Variants in GRM7 observed in about 807,000 individuals in gnomAD.
GRM7 encodes the protein glutamate metabotropic receptor 7.
In GRM7, 35 loss-of-function variants were observed where a neutral mutation model predicts 84.5. That is an observed-to-expected ratio of 0.41 (90% CI 0.32 to 0.55). The LOEUF is 0.55. Ranked by LOEUF, GRM7 falls within the 20% of genes least tolerant of loss-of-function variation. GRM7 has a pLI of 0.19. For missense variants in GRM7, 1,003 were observed against 1,194.6 expected (o/e 0.84, Z 2.36); for synonymous variants, 487 against 455.1 (o/e 1.07, Z -0.89).
intron 1 of GRM7, among the ~76,000 whole-genome samples, chr3:7,121,853 A>G (rs964951): frequency 0.55 from 84,226 of 152,020 alleles, 25,742 homozygotes; most frequent in African/African-American, 0.83. Context: ...GTGGGGCCTC[A>G]AAAGAGGTGA....
rs572084494 is a variant in GRM7 at position 7,094,617 on chromosome 3, A to G, written c.520-51835A>G. On this transcript the variant is annotated intron_variant, in intron 1 of 9. Transcript: ENST00000357716. ...TGCCTAAAATTCACTTATCACATGA[A>G]AACATATTATATAGCTTTCATAGGC... Among the ~76,000 whole-genome samples the G allele has an allele frequency of 2.3e-4, 35 of 152,266 alleles. No homozygotes were observed. The East Asian group carries it at 6.0e-3, about 26-fold the overall frequency.
At chr3:7,443,040 C>A (rs929432329) in intron 5 of GRM7, among the ~76,000 whole-genome samples, 1 of 151,424 alleles carries the variant, frequency 6.6e-6, no homozygotes, top group Non-Finnish European at 1.5e-5. Flanking sequence ...CCATCCTCCT[C>A]CTCCTCCTCT....
chr3:7,058,354 G>GT (rs1011685294), intron 1 of GRM7, among the ~76,000 whole-genome samples: 6 of 151,694 alleles, frequency 4.0e-5, no homozygotes, highest in Non-Finnish European at 5.9e-5. Context: ...TTGTTCTAAA[G>GT]TTTTTTTAAC....
At chr3:7,306,964 T>A (rs2125035328) in intron 4 of GRM7, among the ~76,000 whole-genome samples, 1 of 152,262 alleles carries the variant, frequency 6.6e-6, no homozygotes, top group Middle Eastern at 3.4e-3. Context: ...CACATCCAAG[T>A]GTGTATAAGT....
intron 4 of GRM7, among the ~76,000 whole-genome samples, chr3:7,313,308 T>A (rs559272517): frequency 6.6e-6 from 1 of 152,224 alleles, no homozygotes; most frequent in East Asian, 1.9e-4. Context: ...AAGGAAATAT[T>A]AATACCAGAG....
At chr3:7,308,385 A>G (rs1260164353) in intron 4 of GRM7, among the ~76,000 whole-genome samples, 3 of 151,976 alleles carry the variant, frequency 2.0e-5, no homozygotes, top group African/African-American at 4.8e-5. Context: ...CTACCTCTTT[A>G]CTTGTCTCTG....
intron 7 of GRM7, among the ~76,000 whole-genome samples, chr3:7,569,964 C>A (rs1694556208): frequency 6.6e-6 from 1 of 152,210 alleles, no homozygotes; most frequent in Non-Finnish European, 1.5e-5. Flanking sequence ...CCCACCAATT[C>A]CGGCCACAGT....
chr3:7,200,275 C>T (rs1295795955), intron 2 of GRM7, among the ~76,000 whole-genome samples: 1 of 152,198 alleles, frequency 6.6e-6, no homozygotes, highest in East Asian at 1.9e-4. Flanking sequence ...GATCAAATTT[C>T]AGCATGACTT....
intron 4 of GRM7, among the ~76,000 whole-genome samples, chr3:7,328,523 T>A (rs1499213): frequency 0.43 from 66,055 of 151,978 alleles, 14,486 homozygotes; most frequent in Middle Eastern, 0.49. Flanking sequence ...TACTGGTAGA[T>A]GTGATACCTG....
chr3:6,926,928 T>C (rs971348779), intron 1 of GRM7, among the ~76,000 whole-genome samples: 1 of 152,212 alleles, frequency 6.6e-6, no homozygotes, highest in Admixed American at 6.5e-5. Flanking sequence ...ACACTGGATG[T>C]AAATCATTGA....
At chr3:7,005,125 C>T (rs113108924) in intron 1 of GRM7, among the ~76,000 whole-genome samples, 1,804 of 152,238 alleles carry the variant, frequency 0.012, 23 homozygotes, top group Non-Finnish European at 0.018. Context: ...TTCTTGTCTT[C>T]GAACAAGTCA....
intron 7 of GRM7, chr3:7,561,510 T>G (rs775371493): frequency 2.2e-6 from 1 of 456,476 alleles, no homozygotes. Context: ...TAGAGACCAT[T>G]TGTGCCTGCT....
intron 7 of GRM7, among the ~76,000 whole-genome samples, chr3:7,490,997 A>G (rs542974611): frequency 1.3e-5 from 2 of 152,180 alleles, no homozygotes; most frequent in East Asian, 1.9e-4. Flanking sequence ...AATATTTTAC[A>G]TTACAAATAA....
intron 1 of GRM7, among the ~76,000 whole-genome samples, chr3:6,968,415 T>C (rs1693614046): frequency 1.3e-5 from 2 of 152,192 alleles, no homozygotes; most frequent in Non-Finnish European, 2.9e-5. Flanking sequence ...ATATTGGTGG[T>C]TAGAACTTCA....
chr3:7,651,185 CAAAG>C (rs1284964774), intron 8 of GRM7, among the ~76,000 whole-genome samples: 1 of 151,616 alleles, frequency 6.6e-6, no homozygotes, highest in Non-Finnish European at 1.5e-5. Context: ...ATCAGCATCT[CAAAG>C]AGAGAAACCA....
chr3:7,120,689 G>A (rs1370693393), intron 1 of GRM7, among the ~76,000 whole-genome samples: 1 of 152,116 alleles, frequency 6.6e-6, no homozygotes, highest in African/African-American at 2.4e-5. Context: ...TGCCATTTGT[G>A]AAACCAACAA....
intron 1 of GRM7, among the ~76,000 whole-genome samples, chr3:6,962,539 T>A (rs1693342821): frequency 6.6e-6 from 1 of 152,096 alleles, no homozygotes; most frequent in Non-Finnish European, 1.5e-5. Context: ...TCTTCAACAG[T>A]CAATGAGGAC....
intron 4 of GRM7, among the ~76,000 whole-genome samples, chr3:7,339,030 A>T (rs1434485773): frequency 6.6e-6 from 1 of 152,112 alleles, no homozygotes; most frequent in African/African-American, 2.4e-5. Context: ...AGACTTTTAA[A>T]ACCAGAAATC....
intron 8 of GRM7, chr3:7,636,429 C>G: frequency 2.7e-6 from 1 of 375,466 alleles, no homozygotes; most frequent in South Asian, 2.1e-5. Flanking sequence ...CATGTTCACT[C>G]TAAAGTTACA....
Sources: allele counts gnomAD v4.1 joint callset (sites outside exome capture counted in the v4.1 genomes callset), GRCh38; gene constraint gnomAD v4.1.1; transcripts MANE v1.5; gene names NCBI Gene and HGNC (gene_info 2026-07-23, HGNC 2026-07-21).